PRKN: variants seen among roughly 807,000 people sequenced by gnomAD.
PRKN encodes parkin RBR E3 ubiquitin protein ligase, also known as E3 ubiquitin-protein ligase parkin.
PRKN carries 56 observed loss-of-function variants against 59.5 expected under a neutral mutation model. The ratio of observed to expected loss-of-function variants is 0.94; its 90% CI spans 0.76 to 1.18. The LOEUF (loss-of-function observed/expected upper bound fraction) is 1.18, where lower values mean the gene tolerates loss of function less well. Ranked by LOEUF, PRKN falls within the 50% of genes most tolerant of loss-of-function variation. The pLI, the probability that PRKN is intolerant of heterozygous loss-of-function variation, is 0.00. For synonymous variants in PRKN, 250 were observed against 222.1 expected, an observed-to-expected ratio of 1.13 and a Z score of -1.12; for missense variants, 657 against 596.4, an observed-to-expected ratio of 1.10 and a Z score of -1.06.
chr6:161,593,258 C>T lies in PRKN; in HGVS notation c.872-23842G>A, dbSNP rs894935744. On this transcript the variant is annotated intron_variant, in intron 7 of 11. Coordinates refer to ENST00000366898, the MANE Select transcript of PRKN (RefSeq NM_004562.3). This position sits in a 1 kb window ranked among gnomAD's most constrained non-coding sequence, Gnocchi z 4.8. Reference sequence around the variant, plus strand: ...GTTCCGAGTGCTTCGCATGGATCACCTCCTTAGTCCTTACGGGCTGCTTTG... The same window carrying T: ...GTTCCGAGTGCTTCGCATGGATCACTTCCTTAGTCCTTACGGGCTGCTTTG... 6.6e-6 allele frequency among the ~76,000 whole-genome samples: 1 copy of T among 152,192 alleles called. No individual in the cohort carries two copies. Among genetic ancestry groups the T allele is most frequent in the Non-Finnish European group, 1.5e-5 (1 of 68,036 alleles).
Position 161,401,424 on chromosome 6 carries a change from A to T in PRKN, c.1084-14547T>A, listed in dbSNP as rs1009454123. Among the ~76,000 whole-genome samples the T allele has an allele frequency of 2.0e-5, 3 of 152,160 alleles. No homozygotes were observed. Among genetic ancestry groups the T allele is most frequent in the Admixed American group, 1.3e-4 (2 of 15,278 alleles). ...TTAGGAGTTTGAGACCAGCCTGGCC[A>T]ACATGGTGAAACCGCATCTCTACTA... On this transcript the variant is annotated intron_variant, in intron 9 of 11. Coordinates refer to ENST00000366898, the MANE Select transcript of PRKN (RefSeq NM_004562.3). The surrounding 1 kb of genome is among the most constrained non-coding windows in gnomAD (Gnocchi z 4.4).
At chr6:162,026,449 G>A (rs78379323) in intron 5 of PRKN, among the ~76,000 whole-genome samples, 204 of 152,282 alleles carry the variant, frequency 1.3e-3, no homozygotes, top group Middle Eastern at 3.4e-3. Flanking sequence ...TCATGAACAC[G>A]TATGTCCTGC....
chr6:161,750,030 T>C (rs1047154745), intron 7 of PRKN, among the ~76,000 whole-genome samples: 9 of 151,830 alleles, frequency 5.9e-5, no homozygotes, highest in Non-Finnish European at 8.8e-5. Flanking sequence ...AATAGCCCAG[T>C]TGAAGCAATA....
chr6:161,704,016 T>C (rs1786378818), intron 7 of PRKN, among the ~76,000 whole-genome samples: 1 of 151,934 alleles, frequency 6.6e-6, no homozygotes, highest in African/African-American at 2.4e-5. Flanking sequence ...CCACCACACC[T>C]GGCTAATTTT....
chr6:162,612,766 G>A (rs1782250887), intron 1 of PRKN, among the ~76,000 whole-genome samples: 1 of 152,116 alleles, frequency 6.6e-6, no homozygotes, highest in Non-Finnish European at 1.5e-5. Flanking sequence ...GCAGCCCTAA[G>A]TGGTGAAAAA....
chr6:161,493,008 C>T (rs1777615373), intron 9 of PRKN, among the ~76,000 whole-genome samples: 1 of 152,096 alleles, frequency 6.6e-6, no homozygotes, highest in African/African-American at 2.4e-5. Context: ...TGTATTCATG[C>T]ATATATACAT....
chr6:162,094,396 A>G (rs1297592511), intron 4 of PRKN, among the ~76,000 whole-genome samples: 1 of 151,978 alleles, frequency 6.6e-6, no homozygotes, highest in African/African-American at 2.4e-5. Flanking sequence ...AGGCAGGAGG[A>G]TTGCTTGGGC....
At chr6:162,691,839 T>C (rs998926638) in intron 1 of PRKN, among the ~76,000 whole-genome samples, 2 of 152,204 alleles carry the variant, frequency 1.3e-5, no homozygotes, top group African/African-American at 4.8e-5. Flanking sequence ...ATCTCTCTCT[T>C]ACTGAAGCAG....
intron 1 of PRKN, among the ~76,000 whole-genome samples, chr6:162,620,589 T>G (rs1782623512): frequency 6.6e-6 from 1 of 152,252 alleles, no homozygotes; most frequent in African/African-American, 2.4e-5. Context: ...GTATTATCTT[T>G]TTATTCCCTT....
chr6:162,459,422 TTGTC>T (rs1252683188), intron 1 of PRKN, among the ~76,000 whole-genome samples: 5 of 152,172 alleles, frequency 3.3e-5, no homozygotes, highest in African/African-American at 1.2e-4. Flanking sequence ...TTTAATGAAA[TTGTC>T]AGTTAGATGG....
chr6:161,672,569 A>G (rs151196409), intron 7 of PRKN, among the ~76,000 whole-genome samples: 1,971 of 152,332 alleles, frequency 0.013, 54 homozygotes, highest in African/African-American at 0.045. Flanking sequence ...TGAGGTCAGG[A>G]GTTCGAGACC....
intron 4 of PRKN, among the ~76,000 whole-genome samples, chr6:162,116,195 T>C (rs1780665070): frequency 6.6e-6 from 1 of 152,166 alleles, no homozygotes; most frequent in South Asian, 2.1e-4. Flanking sequence ...AACAAGCTTT[T>C]AAAATCCATT....
At chr6:162,511,597 T>G (rs943879032) in intron 1 of PRKN, among the ~76,000 whole-genome samples, 1 of 152,174 alleles carries the variant, frequency 6.6e-6, no homozygotes, top group East Asian at 1.9e-4. Flanking sequence ...TTCTCTATAT[T>G]GTTCATGGAC....
In PRKN at chr6:161,417,428, A is replaced by C. The variant is rs1162253799; in HGVS notation, c.1084-30551T>G. Among the ~76,000 whole-genome samples, 1 of 150,234 alleles carries C rather than the reference A, an allele frequency of 6.7e-6. No individual in the cohort carries two copies. The highest frequency in any genetic ancestry group is 1.5e-5 in the Non-Finnish European group (1 of 67,678). On this transcript the variant is annotated intron_variant, in intron 9 of 11. Transcript: ENST00000366898. The surrounding 1 kb of genome is among the most constrained non-coding windows in gnomAD (Gnocchi z 5.4). ...TGGCGTCACTGCACTCCAGCCTGGC[A>C]ACAGAGCCAGACGCCGTTTCAAAAA...
Position 161,546,718 on chromosome 6 carries a change from C to T in PRKN, c.1083+2136G>A, listed in dbSNP as rs1779807913. ...TGAGAGTGAGCTGGATCTAGTATCT[C>T]ACTTCTAATGAATAAAGTGAGAGTG... On this transcript the variant is annotated intron_variant, in intron 9 of 11. Coordinates refer to ENST00000366898, the MANE Select transcript of PRKN (RefSeq NM_004562.3). This position sits in a 1 kb window ranked among gnomAD's most constrained non-coding sequence, Gnocchi z 4.4. Among the ~76,000 whole-genome samples the T allele has an allele frequency of 6.6e-6, 1 of 152,110 alleles. No homozygotes were observed. The highest frequency in any genetic ancestry group is 2.1e-4 in the South Asian group (1 of 4,812).
rs983879910 is a variant in PRKN, at chr6:161,814,542, G to A, written c.735-28634C>T. 1.3e-5 allele frequency among the ~76,000 whole-genome samples: 2 copies of A among 152,186 alleles called. 1 individual carries two copies. Among genetic ancestry groups the A allele is most frequent in the South Asian group, 4.2e-4 (2 of 4,810 alleles). Reference sequence around the variant, plus strand: ...TTTGAGATGGAGTTTCACTCTTGTTGCCCAGGCTGGAGTGCAATGGCCCAA... The same window carrying A: ...TTTGAGATGGAGTTTCACTCTTGTTACCCAGGCTGGAGTGCAATGGCCCAA... On this transcript the variant is annotated intron_variant, in intron 6 of 11. Transcript: ENST00000366898.
At chr6:161,820,585 CA>C (rs1204902686) in intron 6 of PRKN, among the ~76,000 whole-genome samples, 1 of 146,082 alleles carries the variant, frequency 6.8e-6, no homozygotes, top group Non-Finnish European at 1.5e-5. Flanking sequence ...AATATATAAA[CA>C]AATATTACAA....
intron 1 of PRKN, among the ~76,000 whole-genome samples, chr6:162,694,018 C>T (rs766105285): frequency 2.6e-5 from 4 of 151,900 alleles, no homozygotes; most frequent in Non-Finnish European, 5.9e-5. Context: ...GAGGCCGAGG[C>T]GGGCAGATCA....
At chr6:161,799,551 G>A (rs1790995751) in intron 6 of PRKN, among the ~76,000 whole-genome samples, 1 of 152,206 alleles carries the variant, frequency 6.6e-6, no homozygotes, top group Non-Finnish European at 1.5e-5. Flanking sequence ...AAAGGCACAA[G>A]AACTTTGAAG....
Sources: allele counts gnomAD v4.1 joint callset (sites outside exome capture counted in the v4.1 genomes callset), GRCh38; gene constraint gnomAD v4.1.1; non-coding constraint Gnocchi (gnomAD v3.1); transcripts MANE v1.5; gene names NCBI Gene and HGNC (gene_info 2026-07-23, HGNC 2026-07-21).